TTC21B: variants seen among roughly 807,000 people sequenced by gnomAD.
TTC21B encodes tetratricopeptide repeat protein 21B.
TTC21B carries 127 observed loss-of-function variants against 175.1 expected under a neutral mutation model. The ratio of observed to expected loss-of-function variants is 0.73; its 90% CI spans 0.63 to 0.84. The LOEUF is 0.84. Among genes scored for constraint, TTC21B ranks in the 40% least tolerant of loss-of-function variants. The pLI is 0.00. For missense variants in TTC21B, 1,561 were observed against 1,558.3 expected (o/e 1.00, Z -0.03); for synonymous variants, 524 against 524.5 (o/e 1.00, Z 0.01).
At chr2:165,947,158 C>T (rs1241109963) in intron 3 of TTC21B, 1 of 70,664 alleles carries the variant, frequency 1.4e-5, no homozygotes, top group Non-Finnish European at 2.5e-5. Flanking sequence ...CTCTCTCTCT[C>T]TCCCCTCCCC....
chr2:165,896,387 T>C (rs891913601), intron 22 of TTC21B, among the ~76,000 whole-genome samples: 2 of 152,114 alleles, frequency 1.3e-5, no homozygotes, highest in African/African-American at 4.8e-5. Context: ...AGGCCAGATA[T>C]TCTTCTAAAT....
At chr2:165,921,981 A>C (rs1686426643) in intron 12 of TTC21B, among the ~76,000 whole-genome samples, 1 of 151,152 alleles carries the variant, frequency 6.6e-6, no homozygotes, top group African/African-American at 2.4e-5. Context: ...CTCTCCTCCC[A>C]CCCTTTCCCC....
chr2:165,927,822 T>C (rs751747683), intron 11 of TTC21B, among the ~76,000 whole-genome samples: 1 of 152,166 alleles, frequency 6.6e-6, no homozygotes, highest in East Asian at 1.9e-4. Flanking sequence ...AAAAAGTCTG[T>C]ATGGGTTCCC....
In TTC21B at chr2:165,917,490, T is replaced by G; in HGVS notation, c.1675-9A>C. ...AAAGGATAGTCTCTCACCTGAAGAA[T>G]AATATTTAATATTTCCTTGGAGTGC... is the stretch of plus-strand genomic sequence containing the variant. On this transcript the variant is annotated splice_polypyrimidine_tract_variant and intron_variant, in intron 13 of 28. Transcript: ENST00000243344. The G allele has an allele frequency of 6.3e-7, 1 of 1,587,430 alleles. No individual in the cohort carries two copies. The highest frequency in any genetic ancestry group is 1.1e-5 in the South Asian group (1 of 90,540).
At chr2:165,891,573 AAATTC>A (rs1465220899) in intron 22 of TTC21B, among the ~76,000 whole-genome samples, 4 of 133,952 alleles carry the variant, frequency 3.0e-5, no homozygotes, top group African/African-American at 1.2e-4. Context: ...CTTCTAAAAA[AAATTC>A]ATTCATTCAT....
At chr2:165,934,253 T>C (rs1461737579) in intron 6 of TTC21B, among the ~76,000 whole-genome samples, 1 of 152,004 alleles carries the variant, frequency 6.6e-6, no homozygotes, top group African/African-American at 2.4e-5. Flanking sequence ...TTTTTATTAT[T>C]TTGTAAATTG....
Position 165,880,721 on chromosome 2 carries a change from C to T in TTC21B, c.3763G>A (p.Glu1255Lys), listed in dbSNP as rs1468655484. The change falls in exon 27 of 29, where the codon GAG (glutamate) becomes AAG (lysine). Residue 1255 changes from glutamate (E) to lysine (K), a missense_variant. Physicochemically the swap from Glu to Lys is moderately conservative, Grantham distance 56. Transcript: ENST00000243344. ...CGATTGCTATATTTCCATGCCATCT[C>T]ATAGTTCAAGGCAGCATCTGTATAT... ...QAYTDAALNY[E>K]MAWKYSNRTN... 2.5e-6 allele frequency: 4 copies of T among 1,613,612 alleles called. No homozygotes were observed. The East Asian group carries it at 8.9e-5, about 36-fold the overall frequency.
intron 6 of TTC21B, 31 bp downstream of exon 6, chr2:165,940,994 CAA>C: frequency 6.2e-7 from 1 of 1,611,068 alleles, no homozygotes. Flanking sequence ...TAACCAAATC[CAA>C]AGAGACTTGT....
At position 165,945,614 on chromosome 2, in the gene TTC21B, A is replaced by G; in HGVS notation, c.339T>C (p.His113=). Reference sequence around the variant, plus strand: ...CAATGTGCCATAAAAATAAGCCTGCATGGTATAAGGCTTTCTCTCCAGCTC... The same window carrying G: ...CAATGTGCCATAAAAATAAGCCTGCGTGGTATAAGGCTTTCTCTCCAGCTC... ...RKGAGEKALY[H]AGLFLWHIGR... Residue 113 remains histidine, a synonymous_variant, in exon 4 of 29, where the codon CAT becomes CAC. Coordinates refer to ENST00000243344, the MANE Select transcript of TTC21B (RefSeq NM_024753.5). The G allele has an allele frequency of 1.2e-6, 2 of 1,613,766 alleles. No homozygotes were observed. Among genetic ancestry groups the G allele is most frequent in the Non-Finnish European group, 1.7e-6 (2 of 1,179,858 alleles).
chr2:165,897,005 G>A (rs927019667), intron 22 of TTC21B, among the ~76,000 whole-genome samples: 2 of 152,076 alleles, frequency 1.3e-5, no homozygotes, highest in South Asian at 2.1e-4. Context: ...CCAGCACTGC[G>A]GTGGTCATCT....
At chr2:165,931,616 T>C (rs1686909568) in intron 8 of TTC21B, 142 bp downstream of exon 8, 2 of 729,386 alleles carry the variant, frequency 2.7e-6, no homozygotes, top group East Asian at 2.8e-5. Flanking sequence ...TCCTCTAAAC[T>C]GCCTTTCCTA....
In TTC21B at chr2:165,930,156, A is replaced by G. The variant is rs1686833463; in HGVS notation, c.1087+16T>C. On this transcript the variant is annotated intron_variant, in intron 9 of 28. Transcript: ENST00000243344. ...TGTATCTATATTATAAATATTTATG[A>G]AAACAGTTGTCATACCAACTAGGGC... 6.2e-7 allele frequency: 1 copy of G among 1,608,584 alleles called. No individual in the cohort carries two copies. Among genetic ancestry groups the G allele is most frequent in the Non-Finnish European group, 8.5e-7 (1 of 1,175,648 alleles).
At chr2:165,891,551 C>T (rs1299301838) in intron 22 of TTC21B, among the ~76,000 whole-genome samples, 1 of 151,504 alleles carries the variant, frequency 6.6e-6, no homozygotes, top group Admixed American at 6.6e-5. Flanking sequence ...TATTTTAATC[C>T]TGTTTCACCT....
In TTC21B at chr2:165,945,693, G is replaced by T; in HGVS notation, c.263-3C>A. 1 of 1,612,238 alleles carries T rather than the reference G, an allele frequency of 6.2e-7. No individual in the cohort carries two copies. Among genetic ancestry groups the T allele is most frequent in the Non-Finnish European group, 8.5e-7 (1 of 1,179,516 alleles). ...TGATTCCAGAATAGCTTCTCTATCTGGTAGGGGAAAATGATATTAAATAAA... is the reference window on the plus strand; with the variant it reads ...TGATTCCAGAATAGCTTCTCTATCTTGTAGGGGAAAATGATATTAAATAAA... On this transcript the variant is annotated splice_polypyrimidine_tract_variant and splice_region_variant and intron_variant, in intron 3 of 28. Transcript: ENST00000243344.
In TTC21B at chr2:165,883,982, C is replaced by T; in HGVS notation, c.3496G>A (p.Ala1166Thr). The change falls in exon 26 of 29, where the codon GCT (alanine) becomes ACT (threonine). Residue 1166 changes from alanine to threonine, a missense_variant. Coordinates refer to ENST00000243344, the MANE Select transcript of TTC21B (RefSeq NM_024753.5). ...GGAGTCTGTTTCAAGATCATATAAGCCGTTGCCATTCCCAAGAGCGCTGGG... is the reference window on the plus strand; with the variant it reads ...GGAGTCTGTTTCAAGATCATATAAGTCGTTGCCATTCCCAAGAGCGCTGGG... ...HIPALLGMAT[A>T]YMILKQTPRA... is the part of the protein sequence containing the mutation. The T allele has an allele frequency of 2.5e-6, 4 of 1,614,090 alleles. No homozygotes were observed. The highest frequency in any genetic ancestry group is 3.4e-6 in the Non-Finnish European group (4 of 1,179,992).
At chr2:165,906,955 C>CAAAAAAAAAAAAAAA (rs1160627145) in intron 19 of TTC21B, among the ~76,000 whole-genome samples, 1 of 60,266 alleles carries the variant, frequency 1.7e-5, no homozygotes, top group South Asian at 6.2e-4. Flanking sequence ...AACTCCGTCT[C>CAAAAAAAAAAAAAAA]AAAAAAAAAA....
At chr2:165,919,504 G>C in intron 12 of TTC21B, 71 bp from the exon 13 acceptor site, 23 of 1,516,540 alleles carry the variant, frequency 1.5e-5, no homozygotes, top group East Asian at 2.3e-5. Context: ...GGAAGAGGAA[G>C]AAGAGTGTTT....
At chr2:165,950,233 T>C (rs1687719852) in intron 1 of TTC21B, among the ~76,000 whole-genome samples, 1 of 152,238 alleles carries the variant, frequency 6.6e-6, no homozygotes, top group African/African-American at 2.4e-5. Flanking sequence ...TACTCGGCTT[T>C]GAGTTCTGCG....
intron 13 of TTC21B, 150 bp downstream of exon 13, chr2:165,919,126 T>G: frequency 1.1e-6 from 1 of 897,124 alleles, no homozygotes; most frequent in Non-Finnish European, 1.8e-6. Context: ...TTGCCTCAAT[T>G]TTTCCTCCTA....
Sources: allele counts gnomAD v4.1 joint callset (sites outside exome capture counted in the v4.1 genomes callset), GRCh38; gene constraint gnomAD v4.1.1; transcripts MANE v1.5; gene names NCBI Gene and HGNC (gene_info 2026-07-23, HGNC 2026-07-21).